ARB2A: variants seen among roughly 807,000 people sequenced by gnomAD.
The protein encoded by ARB2A is cotranscriptional regulator ARB2A.
the ARB2A span, chr5:93,861,225 T>A: frequency 6.6e-6 from 1 of 152,146 alleles, no homozygotes; most frequent in Non-Finnish European, 1.5e-5. Flanking sequence ...TGCTTCTTTG[T>A]CTTTGCTTAT....
At chr5:94,066,627 T>C in the ARB2A span, among the ~76,000 whole-genome samples, 4 of 152,110 alleles carry the variant, frequency 2.6e-5, no homozygotes, top group African/African-American at 2.4e-5. Context: ...TCTACCAAGA[T>C]TGAATCAGGA....
the ARB2A span, among the ~76,000 whole-genome samples, chr5:94,027,656 C>T: frequency 1.3e-5 from 2 of 152,178 alleles, no homozygotes; most frequent in African/African-American, 4.8e-5. Flanking sequence ...GACAGAAGCT[C>T]CAGTGGTTAG....
the ARB2A span, among the ~76,000 whole-genome samples, chr5:94,082,773 T>A: frequency 6.6e-6 from 1 of 152,304 alleles, no homozygotes; most frequent in East Asian, 1.9e-4. Context: ...CATGTTTGTA[T>A]ATTTAAATAA....
At chr5:93,849,490 A>T in the ARB2A span, among the ~76,000 whole-genome samples, 19 of 152,082 alleles carry the variant, frequency 1.2e-4, no homozygotes, top group Non-Finnish European at 1.9e-4. Context: ...CGCAGGATAC[A>T]TATCTTCTAC....
the ARB2A span, among the ~76,000 whole-genome samples, chr5:94,081,225 T>C: frequency 8.5e-5 from 13 of 152,184 alleles, no homozygotes; most frequent in Admixed American, 7.2e-4. Flanking sequence ...ACCTGATATA[T>C]TGCTAGTGTG....
chr5:94,052,200 T>G, the ARB2A span, among the ~76,000 whole-genome samples: 1 of 152,174 alleles, frequency 6.6e-6, no homozygotes, highest in Non-Finnish European at 1.5e-5. Flanking sequence ...TGGACATGAC[T>G]TTTTCCCCAG....
At chr5:93,988,495 A>C in the ARB2A span, among the ~76,000 whole-genome samples, 1 of 152,128 alleles carries the variant, frequency 6.6e-6, no homozygotes, top group African/African-American at 2.4e-5. Context: ...TTACGTTAAC[A>C]TCTCCCTTGC....
the ARB2A span, among the ~76,000 whole-genome samples, chr5:93,745,478 A>G: frequency 1.3e-3 from 194 of 152,278 alleles, no homozygotes; most frequent in African/African-American, 4.4e-3. Context: ...AGTCCATGAA[A>G]ACATCTGGAT....
chr5:93,864,315 T>C, the ARB2A span, among the ~76,000 whole-genome samples: 1 of 152,078 alleles, frequency 6.6e-6, no homozygotes, highest in Non-Finnish European at 1.5e-5. Context: ...GTGGAGGAGG[T>C]GAAAGCAAAA....
At chr5:93,822,641 T>TAG in the ARB2A span, among the ~76,000 whole-genome samples, 1 of 151,960 alleles carries the variant, frequency 6.6e-6, no homozygotes, top group Non-Finnish European at 1.5e-5. Flanking sequence ...GATATATATA[T>TAG]CTATATAGCT....
chr5:93,921,260 T>C, the ARB2A span, among the ~76,000 whole-genome samples: 3 of 151,978 alleles, frequency 2.0e-5, no homozygotes, highest in Non-Finnish European at 2.9e-5. Flanking sequence ...TCATCTCATA[T>C]TGAAAATGCA....
chr5:93,802,364 C>T, the ARB2A span, among the ~76,000 whole-genome samples: 868 of 151,850 alleles, frequency 5.7e-3, 6 homozygotes, highest in African/African-American at 0.02. Flanking sequence ...AGAAAACATC[C>T]ATACAAATAA....
chr5:93,878,637 A>G, the ARB2A span, among the ~76,000 whole-genome samples: 1 of 151,884 alleles, frequency 6.6e-6, no homozygotes, highest in African/African-American at 2.4e-5. Context: ...AAATATATAT[A>G]CATATTTATA....
chr5:94,012,365 G>C, the ARB2A span, among the ~76,000 whole-genome samples: 4 of 152,246 alleles, frequency 2.6e-5, no homozygotes, highest in Admixed American at 1.3e-4. Context: ...TCGCGCCACT[G>C]CACTCCAGCC....
At chr5:93,942,461 T>A in the ARB2A span, among the ~76,000 whole-genome samples, 3 of 151,998 alleles carry the variant, frequency 2.0e-5, no homozygotes, top group East Asian at 3.8e-4. Context: ...AAGAAAAAAA[T>A]TTGTGTTTAT....
chr5:94,086,187 C>T, the ARB2A span, among the ~76,000 whole-genome samples: 2 of 152,176 alleles, frequency 1.3e-5, no homozygotes, highest in African/African-American at 4.8e-5. Flanking sequence ...ATATCACATA[C>T]ATATAATCAA....
the ARB2A span, among the ~76,000 whole-genome samples, chr5:94,055,026 C>G: frequency 4.6e-5 from 7 of 152,266 alleles, no homozygotes; most frequent in South Asian, 1.4e-3. Context: ...TTGTATCTTT[C>G]CTGTACCAGC....
At chr5:93,776,361 A>G in the ARB2A span, 2 of 659,316 alleles carry the variant, frequency 3.0e-6, no homozygotes, top group Non-Finnish European at 4.9e-6. Flanking sequence ...TTTATTTTCC[A>G]TACACTTAAC....
At chr5:94,105,768 G>GAA in the ARB2A span, among the ~76,000 whole-genome samples, 196 of 129,904 alleles carry the variant, frequency 1.5e-3, 1 homozygote, top group African/African-American at 4.1e-3. Flanking sequence ...CATGGTACTG[G>GAA]AAAAAAAAAA....
Sources: allele counts gnomAD v4.1 joint callset (sites outside exome capture counted in the v4.1 genomes callset), GRCh38; gene constraint gnomAD v4.1.1; transcripts MANE v1.5; gene names NCBI Gene and HGNC (gene_info 2026-07-23, HGNC 2026-07-21).